OSBPL8: variants seen among roughly 807,000 people sequenced by gnomAD.
OSBPL8 encodes oxysterol binding protein like 8.
A neutral mutation model predicts 125.5 loss-of-function variants in OSBPL8; 59 were observed. The ratio of observed to expected loss-of-function variants is 0.47; its 90% CI spans 0.38 to 0.58. OSBPL8 has a LOEUF of 0.58. OSBPL8 is among the 20% of genes least tolerant of loss of function. The probability of loss-of-function intolerance (pLI) is 0.00; values close to 1 mark genes in which losing one functional copy is unlikely to be tolerated. For synonymous variants in OSBPL8, 330 were observed against 338.9 expected (o/e 0.97, Z 0.29); for missense variants, 758 against 1,047.8 (o/e 0.72, Z 3.82).
At chr12:76,362,437 G>T (rs1952241818) in intron 21 of OSBPL8, among the ~76,000 whole-genome samples, 1 of 152,068 alleles carries the variant, frequency 6.6e-6, no homozygotes, top group Admixed American at 6.6e-5. Context: ...AAAACCACAT[G>T]ATTATCTCAA....
intron 2 of OSBPL8, chr12:76,485,907 T>C (rs887846599): frequency 1.8e-5 from 5 of 276,350 alleles, no homozygotes; most frequent in Non-Finnish European, 3.6e-5. Flanking sequence ...AGTATTTGAG[T>C]TGAAAGAATC....
intron 21 of OSBPL8, among the ~76,000 whole-genome samples, chr12:76,364,297 A>G: frequency 1.3e-5 from 2 of 152,232 alleles, no homozygotes; most frequent in East Asian, 3.8e-4. Flanking sequence ...TGGCATATAT[A>G]CACCATGGAA....
chr12:76,534,176 C>T (rs1950426982), intron 1 of OSBPL8: 1 of 152,130 alleles, frequency 6.6e-6, no homozygotes. Flanking sequence ...CATTTTTCTT[C>T]AATTCAACAT....
intron 5 of OSBPL8, among the ~76,000 whole-genome samples, chr12:76,410,239 A>G (rs568927552): frequency 6.6e-6 from 1 of 152,172 alleles, no homozygotes; most frequent in African/African-American, 2.4e-5. Context: ...AAAACACTTA[A>G]GATTTTTTTT....
intron 1 of OSBPL8, among the ~76,000 whole-genome samples, chr12:76,524,315 A>G (rs941911835): frequency 3.3e-5 from 5 of 152,232 alleles, no homozygotes; most frequent in Non-Finnish European, 7.4e-5. Context: ...TTAGAAGATT[A>G]TAAGTTATTT....
At chr12:76,504,216 G>A (rs1012652920) in intron 1 of OSBPL8, among the ~76,000 whole-genome samples, 1 of 151,876 alleles carries the variant, frequency 6.6e-6, no homozygotes, top group Non-Finnish European at 1.5e-5. Flanking sequence ...TTTCATACTT[G>A]CTAGTCCCCA....
chr12:76,530,318 A>G (rs1208340287), intron 1 of OSBPL8, among the ~76,000 whole-genome samples: 2 of 149,014 alleles, frequency 1.3e-5, no homozygotes, highest in East Asian at 4.0e-4. Context: ...TCAGCCATCC[A>G]AAGTCCTAGG....
intron 1 of OSBPL8, among the ~76,000 whole-genome samples, chr12:76,547,548 T>C (rs1391838358): frequency 5.3e-5 from 8 of 151,998 alleles, no homozygotes; most frequent in Non-Finnish European, 1.2e-4. Context: ...ACATTTAAAG[T>C]ACCAAAGATA....
chr12:76,383,143 T>C (rs140511727), intron 15 of OSBPL8, among the ~76,000 whole-genome samples: 1 of 152,216 alleles, frequency 6.6e-6, no homozygotes, highest in East Asian at 1.9e-4. Context: ...CTGATGTATA[T>C]AAATTGTACT....
chr12:76,390,772 T>C, intron 10 of OSBPL8, 115 bp from the exon 11 acceptor site: 1 of 674,786 alleles, frequency 1.5e-6, no homozygotes, highest in South Asian at 1.9e-5. Context: ...GACAGTGTTC[T>C]AAGTGTTTTA....
At chr12:76,441,542 C>G (rs974600084) in intron 4 of OSBPL8, among the ~76,000 whole-genome samples, 1 of 152,080 alleles carries the variant, frequency 6.6e-6, no homozygotes, top group African/African-American at 2.4e-5. Context: ...TTTTACCACT[C>G]TTGCTAAAAA....
intron 1 of OSBPL8, among the ~76,000 whole-genome samples, chr12:76,514,944 A>G (rs1881384469): frequency 6.6e-6 from 1 of 152,176 alleles, no homozygotes; most frequent in African/African-American, 2.4e-5. Context: ...TCTGTTGTTA[A>G]TACTTGTGAT....
intron 2 of OSBPL8, among the ~76,000 whole-genome samples, chr12:76,471,326 C>T (rs1291016489): frequency 6.6e-6 from 1 of 152,124 alleles, no homozygotes; most frequent in East Asian, 1.9e-4. Flanking sequence ...TCTGCCCCTG[C>T]TCTTCTTCCT....
chr12:76,484,787 A>G (rs1010964433), intron 2 of OSBPL8, among the ~76,000 whole-genome samples: 7 of 152,196 alleles, frequency 4.6e-5, no homozygotes, highest in African/African-American at 1.4e-4. Context: ...GTGGACCTCA[A>G]CGTTAGTTTC....
chr12:76,419,467 A>AT (rs2136481173), intron 4 of OSBPL8, among the ~76,000 whole-genome samples: 1 of 152,314 alleles, frequency 6.6e-6, no homozygotes, highest in South Asian at 2.1e-4. Context: ...ATACCTGCGA[A>AT]TAAGCTATGG....
At chr12:76,540,422 G>A (rs1374261977) in intron 1 of OSBPL8, among the ~76,000 whole-genome samples, 1 of 151,428 alleles carries the variant, frequency 6.6e-6, no homozygotes, top group East Asian at 1.9e-4. Context: ...GTATTGATTG[G>A]TAGAAAAACT....
intron 21 of OSBPL8, among the ~76,000 whole-genome samples, chr12:76,363,287 C>G (rs1952280304): frequency 6.6e-6 from 1 of 152,034 alleles, no homozygotes; most frequent in Non-Finnish European, 1.5e-5. Flanking sequence ...AACTATACTA[C>G]AAGGCTACAG....
chr12:76,501,740 T>C (rs1218729532), intron 1 of OSBPL8, among the ~76,000 whole-genome samples: 5 of 151,694 alleles, frequency 3.3e-5, no homozygotes, highest in East Asian at 1.9e-4. Flanking sequence ...TGACCAGCGG[T>C]AGAGATCAAC....
chr12:76,478,851 C>T (rs1592754036), intron 2 of OSBPL8, among the ~76,000 whole-genome samples: 2 of 152,034 alleles, frequency 1.3e-5, no homozygotes. Flanking sequence ...TTTGGGAGGC[C>T]GAGGCGGGTG....
Sources: gnomAD v4.1 joint callset for allele counts (sites outside exome capture counted in the v4.1 genomes callset) on GRCh38, gnomAD v4.1.1 for gene constraint, MANE v1.5 for transcripts, NCBI Gene and HGNC (gene_info 2026-07-23, HGNC 2026-07-21) for gene names.